Variants in CDH20 observed in about 807,000 individuals in gnomAD.
CDH20 encodes cadherin 20, also known as cadherin-20.
Under a neutral mutation model 74.2 loss-of-function variants are expected in CDH20, and 29 were observed. The ratio of observed to expected loss-of-function variants is 0.39; its 90% CI spans 0.29 to 0.53. The LOEUF (loss-of-function observed/expected upper bound fraction) is 0.53, where lower values mean the gene tolerates loss of function less well. Among genes scored for constraint, CDH20 ranks in the 20% least tolerant of loss-of-function variants. CDH20 has a pLI of 0.69. For missense variants in CDH20, 988 were observed against 1,048.3 expected (o/e 0.94, Z 0.79); for synonymous variants, 469 against 405.4 (o/e 1.16, Z -1.88).
At chr18:61,367,672 C>G (rs140368163) in intron 1 of CDH20, among the ~76,000 whole-genome samples, 99 of 152,292 alleles carry the variant, frequency 6.5e-4, no homozygotes, top group Middle Eastern at 3.4e-3. Flanking sequence ...CCCTCCTCTT[C>G]TACATTTAAA....
intron 1 of CDH20, among the ~76,000 whole-genome samples, chr18:61,401,780 G>T (rs1178842931): frequency 6.6e-6 from 1 of 152,020 alleles, no homozygotes; most frequent in African/African-American, 2.4e-5. Flanking sequence ...TTTGTTCCGT[G>T]CAAATTCACA....
intron 1 of CDH20, among the ~76,000 whole-genome samples, chr18:61,453,633 G>T (rs537668338): frequency 6.6e-6 from 1 of 152,182 alleles, no homozygotes; most frequent in Non-Finnish European, 1.5e-5. Context: ...AAGGCATTGC[G>T]TGTATCAATG....
chr18:61,383,875 G>T (rs1437053164), intron 1 of CDH20, among the ~76,000 whole-genome samples: 1 of 152,126 alleles, frequency 6.6e-6, no homozygotes, highest in East Asian at 1.9e-4. Context: ...TGGGGAGAGG[G>T]AGAAGCTGAA....
intron 3 of CDH20, among the ~76,000 whole-genome samples, chr18:61,499,742 AAAC>A (rs1353805532): frequency 3.0e-4 from 46 of 152,318 alleles, no homozygotes; most frequent in African/African-American, 1.1e-3. Flanking sequence ...GATTCTTTAA[AAAC>A]AAAATATTAG....
intron 1 of CDH20, among the ~76,000 whole-genome samples, chr18:61,336,408 C>G (rs952597817): frequency 1.3e-5 from 2 of 152,208 alleles, no homozygotes; most frequent in African/African-American, 4.8e-5. Context: ...CAGATGTACC[C>G]TCTACCCTCT....
intron 1 of CDH20, among the ~76,000 whole-genome samples, chr18:61,419,771 T>C (rs930941216): frequency 1.3e-5 from 2 of 152,238 alleles, no homozygotes; most frequent in Non-Finnish European, 2.9e-5. Context: ...AATGTTTCTC[T>C]TACAATGTAT....
Position 61,509,459 on chromosome 18 carries a change from C to A in CDH20, c.1017+1899C>A, listed in dbSNP as rs552492222. On this transcript the variant is annotated intron_variant, in intron 6 of 11. Transcript: ENST00000262717. Reference sequence around the variant, plus strand: ...AGCAAAAGGACAGCCAGTGCAAAGGCTTTGAGGTGGGACCATGCCTGTTGT... The same window carrying A: ...AGCAAAAGGACAGCCAGTGCAAAGGATTTGAGGTGGGACCATGCCTGTTGT... 5.3e-5 allele frequency among the ~76,000 whole-genome samples: 8 copies of A among 152,168 alleles called. No homozygotes were observed. The South Asian group carries it at 1.7e-3, about 32-fold the overall frequency.
At chr18:61,543,072 C>G (rs765538109) in intron 9 of CDH20, among the ~76,000 whole-genome samples, 1 of 152,148 alleles carries the variant, frequency 6.6e-6, no homozygotes, top group African/African-American at 2.4e-5. Flanking sequence ...AATTGGCAAT[C>G]CCTAAAGGGA....
intron 1 of CDH20, among the ~76,000 whole-genome samples, chr18:61,371,524 A>C (rs962688286): frequency 2.6e-5 from 4 of 152,076 alleles, no homozygotes; most frequent in African/African-American, 9.6e-5. Flanking sequence ...TAAAATATGC[A>C]TTGTCTTAGA....
chr18:61,522,598 T>C (rs982562337), intron 6 of CDH20, among the ~76,000 whole-genome samples: 13 of 152,088 alleles, frequency 8.5e-5, no homozygotes, highest in African/African-American at 3.1e-4. Context: ...AAAGAGTCTG[T>C]ATAGCCAAGA....
chr18:61,403,771 A>G (rs539262007), intron 1 of CDH20, among the ~76,000 whole-genome samples: 1 of 152,344 alleles, frequency 6.6e-6, no homozygotes, highest in Non-Finnish European at 1.5e-5. Flanking sequence ...ATATATCCAA[A>G]GGAATATAAA....
chr18:61,522,666 A>G (rs534258459), intron 6 of CDH20, among the ~76,000 whole-genome samples: 55 of 152,352 alleles, frequency 3.6e-4, no homozygotes, highest in Admixed American at 3.3e-3. Context: ...TTCAAACTAT[A>G]GTACAAGACT....
chr18:61,427,824 C>T (rs1173904489), intron 1 of CDH20, among the ~76,000 whole-genome samples: 1 of 152,118 alleles, frequency 6.6e-6, no homozygotes, highest in African/African-American at 2.4e-5. Context: ...GAAAAGCTGG[C>T]CAGGTTTCCC....
At chr18:61,382,016 C>G (rs962350111) in intron 1 of CDH20, among the ~76,000 whole-genome samples, 1 of 152,150 alleles carries the variant, frequency 6.6e-6, no homozygotes, top group Non-Finnish European at 1.5e-5. Flanking sequence ...TCCAAAACGT[C>G]TCTTGGCTCT....
intron 1 of CDH20, among the ~76,000 whole-genome samples, chr18:61,341,381 T>C (rs762948853): frequency 1.3e-5 from 2 of 151,628 alleles, no homozygotes; most frequent in African/African-American, 2.4e-5. Context: ...ATTTCATTCA[T>C]AAGGGCTGTA....
intron 6 of CDH20, among the ~76,000 whole-genome samples, chr18:61,521,875 CT>C (rs1239493396): frequency 6.6e-6 from 1 of 152,162 alleles, no homozygotes; most frequent in African/African-American, 2.4e-5. Flanking sequence ...TTCAATACCC[CT>C]TCATGCTAAA....
intron 1 of CDH20, among the ~76,000 whole-genome samples, chr18:61,485,132 T>G (rs1910713064): frequency 6.6e-6 from 1 of 152,004 alleles, no homozygotes; most frequent in Non-Finnish European, 1.5e-5. Context: ...GGTGACCACC[T>G]TTTCCAAGAA....
At chr18:61,346,839 A>C (rs1355859034) in intron 1 of CDH20, among the ~76,000 whole-genome samples, 1 of 152,106 alleles carries the variant, frequency 6.6e-6, no homozygotes, top group Non-Finnish European at 1.5e-5. Flanking sequence ...TTTTCAAAAG[A>C]AAAGTCAAAT....
At chr18:61,360,516 C>T (rs917444509) in intron 1 of CDH20, among the ~76,000 whole-genome samples, 1 of 151,978 alleles carries the variant, frequency 6.6e-6, no homozygotes, top group African/African-American at 2.4e-5. Context: ...AAGGAAGAGC[C>T]CAGGCAGGAG....
Sources: allele counts gnomAD v4.1 joint callset (sites outside exome capture counted in the v4.1 genomes callset), GRCh38; gene constraint gnomAD v4.1.1; transcripts MANE v1.5; gene names NCBI Gene and HGNC (gene_info 2026-07-23, HGNC 2026-07-21).